The following CCSER1 variants were observed in gnomAD, a reference collection of about 807,000 sequenced individuals.
CCSER1 encodes serine-rich coiled-coil domain-containing protein 1.
A neutral mutation model predicts 82.0 loss-of-function variants in CCSER1; 41 were observed. That is an observed-to-expected ratio of 0.50 (90% CI 0.39 to 0.65). CCSER1 has a LOEUF of 0.65. Ranked by LOEUF, CCSER1 falls within the 30% of genes least tolerant of loss-of-function variation. The probability of loss-of-function intolerance (pLI) is 0.00; values close to 1 mark genes in which losing one functional copy is unlikely to be tolerated. For synonymous variants in CCSER1, 414 were observed against 383.9 expected, an observed-to-expected ratio of 1.08 and a Z score of -0.92; for missense variants, 1,119 against 1,064.2, an observed-to-expected ratio of 1.05 and a Z score of -0.72.
At chr4:90,350,716 A>G (rs1156621515) in intron 3 of CCSER1, among the ~76,000 whole-genome samples, 3 of 152,156 alleles carry the variant, frequency 2.0e-5, no homozygotes, top group Non-Finnish European at 2.9e-5. Flanking sequence ...AGCTGTCTAT[A>G]AAACGGGAAA....
At chr4:90,481,825 A>T (rs1284780529) in intron 5 of CCSER1, among the ~76,000 whole-genome samples, 2 of 152,178 alleles carry the variant, frequency 1.3e-5, no homozygotes, top group Non-Finnish European at 2.9e-5. Flanking sequence ...ATTGGTCTAA[A>T]ATTCTCTTTT....
chr4:90,846,885 G>A (rs909325202), intron 8 of CCSER1, among the ~76,000 whole-genome samples: 3 of 152,176 alleles, frequency 2.0e-5, no homozygotes, highest in African/African-American at 7.2e-5. Context: ...TTGACCTGGT[G>A]ATACACCTGC....
intron 5 of CCSER1, among the ~76,000 whole-genome samples, chr4:90,625,302 G>A (rs1191056024): frequency 1.3e-5 from 2 of 152,054 alleles, no homozygotes; most frequent in African/African-American, 2.4e-5. Flanking sequence ...AGAGACACTT[G>A]GGTATTTTTC....
chr4:91,418,063 G>A (rs1753473810), intron 10 of CCSER1, among the ~76,000 whole-genome samples: 1 of 151,976 alleles, frequency 6.6e-6, no homozygotes, highest in Non-Finnish European at 1.5e-5. Flanking sequence ...TTACCAGAAT[G>A]TATGGGATGC....
At chr4:90,808,642 T>C (rs933663737) in intron 7 of CCSER1, among the ~76,000 whole-genome samples, 2 of 152,076 alleles carry the variant, frequency 1.3e-5, no homozygotes, top group African/African-American at 2.4e-5. Context: ...GAAAAAATGC[T>C]CAACATCACT....
intron 10 of CCSER1, among the ~76,000 whole-genome samples, chr4:91,380,149 G>A (rs865916507): frequency 1.8e-4 from 27 of 152,224 alleles, no homozygotes; most frequent in Non-Finnish European, 3.1e-4. Context: ...CATTTGCTGA[G>A]GAGTGCTTTA....
At chr4:91,227,464 G>A (rs1263546444) in intron 10 of CCSER1, among the ~76,000 whole-genome samples, 1 of 151,630 alleles carries the variant, frequency 6.6e-6, no homozygotes, top group Non-Finnish European at 1.5e-5. Context: ...GTGTGTATGT[G>A]TATGAAGACA....
Position 90,932,980 on chromosome 4 carries a change from A to AAGAG in CCSER1, c.2172+9535_2172+9538dup, listed in dbSNP as rs771419830. Among the ~76,000 whole-genome samples the AAGAG allele has an allele frequency of 4.1e-4, 9 of 21,978 alleles. 3 individuals carry two copies. The highest frequency in any genetic ancestry group is 0.03 in the Middle Eastern group (2 of 66). 14.4% of individuals were successfully genotyped at this position (21,978 alleles called of 152,430 possible). The stretch of plus-strand genomic sequence containing the variant: ...AAAGAAAGAAAGAAAGAAAGAAAGA[A>AAGAG]AGAGAAAGAAAGAAAGAAAGAAAGA... On this transcript the variant is annotated intron_variant, in intron 9 of 10. Transcript: ENST00000509176.
intron 10 of CCSER1, among the ~76,000 whole-genome samples, chr4:91,341,857 T>C (rs1004908906): frequency 2.0e-5 from 3 of 152,194 alleles, no homozygotes; most frequent in Non-Finnish European, 4.4e-5. Context: ...ATGATAGTTA[T>C]TTAGTGCATT....
chr4:90,813,573 C>T (rs1758620098), intron 7 of CCSER1, among the ~76,000 whole-genome samples: 1 of 152,148 alleles, frequency 6.6e-6, no homozygotes, highest in African/African-American at 2.4e-5. Flanking sequence ...CTATGCTATT[C>T]TCGTGATTGT....
Position 91,231,511 on chromosome 4 carries a change from T to C in CCSER1, c.2217+145517T>C, listed in dbSNP as rs182330855. Reference sequence around the variant, plus strand: ...TATGGAAGAAAATCCATTATACGTATAGGTTGTTCACACAGATGACTTAAG... The same window carrying C: ...TATGGAAGAAAATCCATTATACGTACAGGTTGTTCACACAGATGACTTAAG... On this transcript the variant is annotated intron_variant, in intron 10 of 10. Coordinates refer to ENST00000509176, the MANE Select transcript of CCSER1 (RefSeq NM_001145065.2). Among the ~76,000 whole-genome samples, 716 of 151,854 alleles carry C rather than the reference T, an allele frequency of 4.7e-3. 4 individuals carry two copies. Among genetic ancestry groups the C allele is most frequent in the Admixed American group, 8.3e-3 (127 of 15,230 alleles).
chr4:90,360,312 A>G (rs1167204146), intron 3 of CCSER1, among the ~76,000 whole-genome samples: 1 of 149,050 alleles, frequency 6.7e-6, no homozygotes, highest in African/African-American at 2.4e-5. Flanking sequence ...GCGGATCACG[A>G]GGTCAGGAGA....
At chr4:91,208,440 A>G (rs182505523) in intron 10 of CCSER1, among the ~76,000 whole-genome samples, 1 of 151,880 alleles carries the variant, frequency 6.6e-6, no homozygotes, top group Admixed American at 6.6e-5. Context: ...TTACTCTTCT[A>G]CATATGATAG....
chr4:91,320,455 C>T (rs867335668), intron 10 of CCSER1, among the ~76,000 whole-genome samples: 1 of 151,952 alleles, frequency 6.6e-6, no homozygotes, highest in Non-Finnish European at 1.5e-5. Context: ...AAGAATTTTT[C>T]CTAATAAAAA....
intron 10 of CCSER1, among the ~76,000 whole-genome samples, chr4:91,412,656 C>G (rs1487704846): frequency 6.6e-6 from 1 of 152,070 alleles, no homozygotes; most frequent in Non-Finnish European, 1.5e-5. Context: ...TGTCCTGGCT[C>G]AAACCCCACC....
intron 5 of CCSER1, among the ~76,000 whole-genome samples, chr4:90,550,898 A>G (rs1417473103): frequency 2.0e-5 from 3 of 152,162 alleles, no homozygotes; most frequent in African/African-American, 7.2e-5. Flanking sequence ...ACATCGTTCT[A>G]GTTGCAAATA....
intron 10 of CCSER1, among the ~76,000 whole-genome samples, chr4:91,216,292 C>T (rs555429067): frequency 6.6e-6 from 1 of 152,262 alleles, no homozygotes; most frequent in South Asian, 2.1e-4. Context: ...TAACATGATG[C>T]ATTAAGTAGG....
intron 10 of CCSER1, among the ~76,000 whole-genome samples, chr4:91,334,712 T>TA (rs1747200784): frequency 6.6e-6 from 1 of 152,124 alleles, no homozygotes; most frequent in Non-Finnish European, 1.5e-5. Flanking sequence ...TTTAAGTGAG[T>TA]AAGTGTCATC....
intron 10 of CCSER1, among the ~76,000 whole-genome samples, chr4:91,392,329 A>G (rs1169321032): frequency 6.6e-6 from 1 of 151,218 alleles, no homozygotes; most frequent in East Asian, 1.9e-4. Flanking sequence ...GTGTAGACAT[A>G]CCAAAACTAG....
Sources: allele counts gnomAD v4.1 joint callset (sites outside exome capture counted in the v4.1 genomes callset), GRCh38; gene constraint gnomAD v4.1.1; transcripts MANE v1.5; gene names NCBI Gene and HGNC (gene_info 2026-07-23, HGNC 2026-07-21).